The following RILPL1 variants were observed in gnomAD, a reference collection of about 807,000 sequenced individuals.
RILPL1 encodes RILP-like protein 1.
Under a neutral mutation model 50.3 loss-of-function variants are expected in RILPL1, and 33 were observed. The ratio of observed to expected loss-of-function variants is 0.66; its 90% CI spans 0.50 to 0.88. The LOEUF (loss-of-function observed/expected upper bound fraction) is 0.88. Ranked by LOEUF, RILPL1 falls within the 40% of genes least tolerant of loss-of-function variation. The pLI is 0.00. For missense variants in RILPL1, 418 were observed against 542.5 expected, an observed-to-expected ratio of 0.77 and a Z score of 2.28; for synonymous variants, 205 against 228.6, an observed-to-expected ratio of 0.90 and a Z score of 0.93.
At position 123,533,124 on chromosome 12, in the gene RILPL1, G is replaced by A; in HGVS notation, c.309+50C>T. The stretch of plus-strand genomic sequence containing the variant: ...GCTGCCCAATGCGGAAGAGCCCTTG[G>A]GTCCCCGCGGTCCCACTGCCCGGAC... On this transcript the variant is annotated intron_variant, in intron 1 of 6. Transcript: ENST00000376874. This position sits in a 1 kb window ranked among gnomAD's most constrained non-coding sequence, Gnocchi z 6.2. 1 of 1,473,052 alleles carries A rather than the reference G, an allele frequency of 6.8e-7. No homozygotes were observed. The highest frequency in any genetic ancestry group is 1.4e-5 in the African/African-American group (1 of 72,028). 91.2% of individuals were successfully genotyped at this position (1,473,052 alleles called of 1,614,324 possible).
At chr12:123,517,443 G>C (rs1190349488) in intron 2 of RILPL1, among the ~76,000 whole-genome samples, 1 of 74,220 alleles carries the variant, frequency 1.3e-5, no homozygotes, top group African/African-American at 4.6e-5. Flanking sequence ...TTTTTTTTTT[G>C]CGAGTCTCGC....
chr12:123,526,518 T>C (rs889300209), intron 1 of RILPL1, among the ~76,000 whole-genome samples: 1 of 152,028 alleles, frequency 6.6e-6, no homozygotes, highest in Admixed American at 6.6e-5. Context: ...ATGGTTACTA[T>C]AAGTAAAGCG....
chr12:123,531,864 G>A (rs1226068368), intron 1 of RILPL1, among the ~76,000 whole-genome samples: 1 of 152,144 alleles, frequency 6.6e-6, no homozygotes, highest in Admixed American at 6.5e-5. Flanking sequence ...TAGCTTCTAG[G>A]AGTCTTGAAA....
At chr12:123,487,206 G>A (rs1311669101) in intron 4 of RILPL1, among the ~76,000 whole-genome samples, 1 of 152,184 alleles carries the variant, frequency 6.6e-6, no homozygotes, top group Admixed American at 6.5e-5. Context: ...ACATTTCCCA[G>A]AAACAGAATC....
chr12:123,472,829 C>T (rs1881290657), intron 6 of RILPL1, 147 bp from the exon 7 acceptor site: 1 of 774,722 alleles, frequency 1.3e-6, no homozygotes, highest in Admixed American at 2.6e-5. Context: ...GGGTGCAGGT[C>T]AAAGTTATTC....
chr12:123,533,631 G>GGCGGGC lies in RILPL1; in HGVS notation c.-155_-150dup, dbSNP rs1038738680. ...GGCGAGGGCGCAGCGGGCAGCGGGCGGCGGGCGCGGGCGCGGGCACGGGCG... is the reference window on the plus strand; with the variant it reads ...GGCGAGGGCGCAGCGGGCAGCGGGCGGCGGGCGCGGGCGCGGGCGCGGGCACGGGCG... On this transcript the variant is annotated 5_prime_UTR_variant, in exon 1 of 7. Transcript: ENST00000376874. This position sits in a 1 kb window ranked among gnomAD's most constrained non-coding sequence, Gnocchi z 6.2. 8.1e-5 allele frequency: 32 copies of GGCGGGC among 396,944 alleles called. No individual in the cohort carries two copies. The highest frequency in any genetic ancestry group is 9.7e-5 in the South Asian group (1 of 10,348). 24.6% of individuals were successfully genotyped at this position (396,944 alleles called of 1,614,324 possible). A position where few individuals can be genotyped will look rare whatever the true frequency, so the allele number is the denominator to read the frequency against.
chr12:123,487,545 G>C (rs1195119024), intron 4 of RILPL1, among the ~76,000 whole-genome samples: 3 of 152,128 alleles, frequency 2.0e-5, no homozygotes, highest in Non-Finnish European at 4.4e-5. Flanking sequence ...GTCCTCAGGT[G>C]ATCCACCCAC....
At chr12:123,486,844 G>A (rs906008076) in intron 4 of RILPL1, among the ~76,000 whole-genome samples, 4 of 151,604 alleles carry the variant, frequency 2.6e-5, no homozygotes, top group Non-Finnish European at 5.9e-5. Flanking sequence ...TGTCACCCAG[G>A]CTGGAGTGCA....
chr12:123,484,153 C>A, intron 6 of RILPL1, 27 bp downstream of exon 6: 2 of 1,518,408 alleles, frequency 1.3e-6, no homozygotes, highest in Admixed American at 3.4e-5. Flanking sequence ...GTCAGCCGAG[C>A]GCAGAAGCTG....
intron 2 of RILPL1, among the ~76,000 whole-genome samples, chr12:123,502,150 T>C (rs562339640): frequency 2.6e-5 from 4 of 151,486 alleles, no homozygotes; most frequent in Non-Finnish European, 4.4e-5. Context: ...CCACCTGCCA[T>C]AGTAAACTAT....
In RILPL1 at chr12:123,485,510, G is replaced by A. The variant is rs1450416418; in HGVS notation, c.974+123C>T. Reference sequence around the variant, plus strand: ...TATGTAAGTTCTTTAGGCCAGAGAGGGTACCCAAAAAAAACACTGATGAAA... The same window carrying A: ...TATGTAAGTTCTTTAGGCCAGAGAGAGTACCCAAAAAAAACACTGATGAAA... On this transcript the variant is annotated intron_variant, in intron 5 of 6. Transcript: ENST00000376874. The surrounding 1 kb of genome is among the most constrained non-coding windows in gnomAD (Gnocchi z 4.0). 3 of 901,490 alleles carry A rather than the reference G, an allele frequency of 3.3e-6. No homozygotes were observed. The highest frequency in any genetic ancestry group is 2.6e-5 in the East Asian group (1 of 37,866). The allele number at this position is 901,490 out of a possible 1,614,324, so 55.8% of individuals were successfully genotyped here.
chr12:123,473,598 A>G (rs543910362), intron 6 of RILPL1: 1 of 152,188 alleles, frequency 6.6e-6, no homozygotes, highest in Non-Finnish European at 1.5e-5. Flanking sequence ...ATCCATTTGC[A>G]CTTTCAAAAA....
chr12:123,480,480 G>A (rs1387240060), intron 6 of RILPL1, among the ~76,000 whole-genome samples: 1 of 151,906 alleles, frequency 6.6e-6, no homozygotes, highest in Admixed American at 6.6e-5. Flanking sequence ...AATTCTTAAC[G>A]ACCTGGGAAC....
intron 4 of RILPL1, among the ~76,000 whole-genome samples, chr12:123,495,359 T>C (rs2139333101): frequency 6.6e-6 from 1 of 150,660 alleles, no homozygotes; most frequent in South Asian, 2.1e-4. Context: ...ATAAATTCGT[T>C]TTTTCCCTCT....
At chr12:123,493,921 A>T (rs1202928649) in intron 4 of RILPL1, among the ~76,000 whole-genome samples, 1 of 151,458 alleles carries the variant, frequency 6.6e-6, no homozygotes, top group Non-Finnish European at 1.5e-5. Flanking sequence ...AGTAGCTGGG[A>T]TTACAGGCAC....
chr12:123,484,735 T>C, intron 5 of RILPL1: 1 of 218,100 alleles, frequency 4.6e-6, no homozygotes, highest in South Asian at 6.8e-5. Context: ...CATAGCTCAC[T>C]GCAGCCTTGA....
chr12:123,498,753 G>A lies in RILPL1; in HGVS notation c.592C>T (p.Gln198Ter). The A allele has an allele frequency of 1.2e-6, 2 of 1,612,256 alleles. No homozygotes were observed. Among genetic ancestry groups the A allele is most frequent in the Non-Finnish European group, 1.7e-6 (2 of 1,179,674 alleles). Residue 198 changes from glutamine (Q) to a stop codon, truncating the protein, a stop_gained, in exon 4 of 7, where the codon CAG (glutamine) becomes TAG (stop). Transcript: ENST00000376874. LOFTEE classifies it high-confidence loss of function. The surrounding 1 kb of genome is among the most constrained non-coding windows in gnomAD (Gnocchi z 4.3). ...TGGTTGATCTTCATCAGCCGTGTCT[G>A]CTGCTGCTGTAACTGTAGAAAAAGG... is the stretch of plus-strand genomic sequence containing the variant. ...NEDVEALQQQ[Q>*]TRLMKINHDL...
At chr12:123,527,005 A>C (rs895828027) in intron 1 of RILPL1, among the ~76,000 whole-genome samples, 1 of 152,210 alleles carries the variant, frequency 6.6e-6, no homozygotes, top group Non-Finnish European at 1.5e-5. Context: ...GTTACCTTAC[A>C]TGGCAAAAGG....
chr12:123,521,376 A>T (rs1466539883), intron 2 of RILPL1, among the ~76,000 whole-genome samples: 1 of 151,942 alleles, frequency 6.6e-6, no homozygotes, highest in Non-Finnish European at 1.5e-5. Context: ...GCTTAGAATC[A>T]TGAGAACTTT....
Sources: allele counts gnomAD v4.1 joint callset (sites outside exome capture counted in the v4.1 genomes callset), GRCh38; gene constraint gnomAD v4.1.1; non-coding constraint Gnocchi (gnomAD v3.1); transcripts MANE v1.5; gene names NCBI Gene and HGNC (gene_info 2026-07-23, HGNC 2026-07-21).